RABGAP1L: variants seen among roughly 807,000 people sequenced by gnomAD.
RABGAP1L encodes the protein rab GTPase-activating protein 1-like.
RABGAP1L carries 63 observed loss-of-function variants against 137.7 expected under a neutral mutation model. The ratio of observed to expected loss-of-function variants is 0.46; its 90% CI spans 0.37 to 0.56. RABGAP1L has a LOEUF of 0.56. Among genes scored for constraint, RABGAP1L ranks in the 20% least tolerant of loss-of-function variants. The probability of loss-of-function intolerance (pLI) is 0.00; values close to 1 mark genes in which losing one functional copy is unlikely to be tolerated. For synonymous variants in RABGAP1L, 431 were observed against 433.7 expected, an observed-to-expected ratio of 0.99 and a Z score of 0.08; for missense variants, 1,095 against 1,244.0, an observed-to-expected ratio of 0.88 and a Z score of 1.80.
chr1:174,637,240 T>G, intron 13 of RABGAP1L, 135 bp from the exon 14 acceptor site: 1 of 621,224 alleles, frequency 1.6e-6, no homozygotes, highest in Non-Finnish European at 2.8e-6. Context: ...ACTATGGGTC[T>G]GGGATAGAAG....
rs1438172109 is a variant in RABGAP1L at position 174,231,245 on chromosome 1, C to T, written c.432C>T (p.Ser144=). The T allele has an allele frequency of 1.3e-5, 21 of 1,613,804 alleles. No homozygotes were observed. Among genetic ancestry groups the T allele is most frequent in the Non-Finnish European group, 1.7e-5 (20 of 1,179,858 alleles). ...LTYLGCMKVS[S]PRNEVEALRA... is the part of the protein sequence containing the mutation. ...ACTTAGGATGTATGAAGGTTTCTTC[C>T]CCACGTAATGAAGTAGAGGCTTTAC... is the stretch of plus-strand genomic sequence containing the variant. Residue 144 remains serine, a synonymous_variant, in exon 4 of 26, where the codon TCC becomes TCT. Coordinates refer to ENST00000681986, the MANE Select transcript of RABGAP1L (RefSeq NM_001366446.1).
At chr1:174,617,735 G>C (rs186496513) in intron 13 of RABGAP1L, among the ~76,000 whole-genome samples, 4 of 152,148 alleles carry the variant, frequency 2.6e-5, no homozygotes, top group Admixed American at 2.6e-4. Flanking sequence ...TACATTACCA[G>C]GGGGTGCAGC....
chr1:174,495,750 G>A (rs554786122), intron 13 of RABGAP1L, among the ~76,000 whole-genome samples: 8 of 152,226 alleles, frequency 5.3e-5, no homozygotes, highest in African/African-American at 1.9e-4. Context: ...TATCTTACTG[G>A]TAGATATTAC....
chr1:174,226,810 T>C (rs956340761), intron 3 of RABGAP1L, among the ~76,000 whole-genome samples: 6 of 152,114 alleles, frequency 3.9e-5, no homozygotes, highest in African/African-American at 1.4e-4. Flanking sequence ...TTTTTATCTT[T>C]AAAGAGTGTT....
intron 18 of RABGAP1L, 40 bp from the exon 19 acceptor site, chr1:174,811,792 G>A: frequency 6.8e-7 from 1 of 1,476,422 alleles, no homozygotes; most frequent in Non-Finnish European, 9.0e-7. Flanking sequence ...CCTCAAAGCA[G>A]GCTGAAATGT....
intron 13 of RABGAP1L, among the ~76,000 whole-genome samples, chr1:174,636,564 G>C (rs1216285283): frequency 6.6e-6 from 1 of 151,408 alleles, no homozygotes; most frequent in Non-Finnish European, 1.5e-5. Context: ...TAATATAGTA[G>C]CCTGTAGCTT....
At chr1:174,718,944 A>G (rs999194145) in intron 17 of RABGAP1L, among the ~76,000 whole-genome samples, 5 of 146,094 alleles carry the variant, frequency 3.4e-5, no homozygotes, top group African/African-American at 1.0e-4. Flanking sequence ...GCTTCAAGCT[A>G]TTCTCCTTCC....
chr1:174,416,669 A>G (rs1650631072), intron 13 of RABGAP1L, among the ~76,000 whole-genome samples: 1 of 152,134 alleles, frequency 6.6e-6, no homozygotes, highest in Admixed American at 6.5e-5. Flanking sequence ...GTCATGCAAG[A>G]TGAAAATTTA....
chr1:174,983,457 A>G (rs187043595), intron 24 of RABGAP1L, among the ~76,000 whole-genome samples: 21 of 152,330 alleles, frequency 1.4e-4, no homozygotes, highest in Non-Finnish European at 2.9e-4. Flanking sequence ...TGAAAAAAAC[A>G]GATTGCTTAT....
rs3086627 is a variant in RABGAP1L, at chr1:174,948,509, C to CAAAA, written c.2341-8928_2341-8925dup. ...GCAGCCACAGAGCGAGACCCTGCCT[C>CAAAA]AAAAAAAAAAAAAAAAAAAAAAAGG... On this transcript the variant is annotated intron_variant, in intron 19 of 25. Transcript: ENST00000681986. 5.2e-3 allele frequency among the ~76,000 whole-genome samples: 334 copies of CAAAA among 64,724 alleles called. 13 individuals are homozygous for CAAAA. The highest frequency in any genetic ancestry group is 0.018 in the African/African-American group (270 of 14,932). 42.5% of individuals were successfully genotyped at this position (64,724 alleles called of 152,430 possible).
chr1:174,713,762 A>G (rs935728284), intron 17 of RABGAP1L, among the ~76,000 whole-genome samples: 5 of 152,258 alleles, frequency 3.3e-5, no homozygotes, highest in African/African-American at 9.6e-5. Context: ...ATAGCAAAGC[A>G]TGAACCAGAC....
chr1:174,364,550 G>A (rs552579505), intron 11 of RABGAP1L, among the ~76,000 whole-genome samples: 2 of 152,122 alleles, frequency 1.3e-5, no homozygotes, highest in East Asian at 1.9e-4. Context: ...CACCGCGCCC[G>A]GCCTGGATTT....
intron 18 of RABGAP1L, among the ~76,000 whole-genome samples, chr1:174,756,672 G>A (rs1271620086): frequency 1.3e-5 from 2 of 152,142 alleles, no homozygotes; most frequent in Non-Finnish European, 1.5e-5. Flanking sequence ...AGGCATGCAA[G>A]AGTGAGAATC....
intron 1 of RABGAP1L, among the ~76,000 whole-genome samples, chr1:174,211,395 G>C (rs1266368732): frequency 6.6e-6 from 1 of 152,104 alleles, no homozygotes; most frequent in Non-Finnish European, 1.5e-5. Context: ...TTGTTTGCTT[G>C]CTTATGCAAA....
chr1:174,977,552 A>G (rs984582385), intron 22 of RABGAP1L, among the ~76,000 whole-genome samples: 1 of 152,224 alleles, frequency 6.6e-6, no homozygotes, highest in Admixed American at 6.5e-5. Flanking sequence ...TGTTGCAAGA[A>G]CAATGCAAGA....
intron 13 of RABGAP1L, among the ~76,000 whole-genome samples, chr1:174,524,486 T>A (rs1483956579): frequency 6.6e-6 from 1 of 152,150 alleles, no homozygotes; most frequent in African/African-American, 2.4e-5. Flanking sequence ...ATTTGCCCAC[T>A]TTTTAATGGG....
chr1:174,942,467 G>A (rs1666052845), intron 19 of RABGAP1L, among the ~76,000 whole-genome samples: 1 of 152,188 alleles, frequency 6.6e-6, no homozygotes, highest in African/African-American at 2.4e-5. Flanking sequence ...TAAGATGATA[G>A]TATAGTATAA....
chr1:174,562,647 G>A (rs1287350102), intron 13 of RABGAP1L, among the ~76,000 whole-genome samples: 2 of 151,804 alleles, frequency 1.3e-5, no homozygotes, highest in African/African-American at 2.4e-5. Context: ...AATGTGGCAC[G>A]TATACACCAC....
At chr1:174,863,355 T>G (rs1009005234) in intron 19 of RABGAP1L, among the ~76,000 whole-genome samples, 4 of 151,628 alleles carry the variant, frequency 2.6e-5, no homozygotes, top group African/African-American at 9.7e-5. Flanking sequence ...CAGAATACCC[T>G]ATCAATGATA....
Sources: gnomAD v4.1 joint callset for allele counts (sites outside exome capture counted in the v4.1 genomes callset) on GRCh38, gnomAD v4.1.1 for gene constraint, MANE v1.5 for transcripts, NCBI Gene and HGNC (gene_info 2026-07-23, HGNC 2026-07-21) for gene names.